CCDC7: variants seen among roughly 807,000 people sequenced by gnomAD.
The protein encoded by CCDC7 is coiled-coil domain containing 7.
In CCDC7, 183 loss-of-function variants were observed where a neutral mutation model predicts 196.9. The observed-to-expected ratio is 0.93, with a 90% CI of 0.82 to 1.05. The LOEUF is 1.05. CCDC7 is among the 50% of genes least tolerant of loss of function. The probability of loss-of-function intolerance (pLI) is 0.00; values close to 1 mark genes in which losing one functional copy is unlikely to be tolerated. For missense variants in CCDC7, 1,540 were observed against 1,482.2 expected, an observed-to-expected ratio of 1.04 and a Z score of -0.64; for synonymous variants, 525 against 484.6, an observed-to-expected ratio of 1.08 and a Z score of -1.10.
chr10:32,861,914 C>T (rs1276888365), intron 41 of CCDC7, among the ~76,000 whole-genome samples: 5 of 152,094 alleles, frequency 3.3e-5, no homozygotes. Context: ...AGTCAGGAAA[C>T]AACAGATGCT....
chr10:32,689,717 C>T (rs897940885), intron 23 of CCDC7, among the ~76,000 whole-genome samples: 1 of 151,260 alleles, frequency 6.6e-6, no homozygotes, highest in Non-Finnish European at 1.5e-5. Context: ...TTTATCGAAA[C>T]AGTTCCAGTA....
intron 28 of CCDC7, among the ~76,000 whole-genome samples, chr10:32,772,104 C>T (rs978433839): frequency 1.8e-4 from 27 of 152,170 alleles, no homozygotes; most frequent in African/African-American, 7.2e-5. Context: ...GGAACTGGGT[C>T]TGGTGGGTTT....
intron 28 of CCDC7, among the ~76,000 whole-genome samples, chr10:32,744,189 G>A (rs1208941845): frequency 6.6e-6 from 1 of 151,642 alleles, no homozygotes; most frequent in Non-Finnish European, 1.5e-5. Flanking sequence ...GGCTATATGG[G>A]TACTAAATCT....
intron 22 of CCDC7, among the ~76,000 whole-genome samples, chr10:32,687,663 G>A (rs1440261415): frequency 1.3e-5 from 2 of 152,166 alleles, no homozygotes; most frequent in East Asian, 3.9e-4. Context: ...TCTACACTAT[G>A]ACCTCTTTGA....
At chr10:32,681,591 A>T (rs748266139) in intron 21 of CCDC7, among the ~76,000 whole-genome samples, 4 of 152,154 alleles carry the variant, frequency 2.6e-5, no homozygotes, top group Non-Finnish European at 5.9e-5. Flanking sequence ...CCTGCAGTAC[A>T]CAAATCTTAC....
At chr10:32,447,203 A>G (rs993314138), upstream of CCDC7, among the ~76,000 whole-genome samples, 1 of 152,028 alleles carries the variant, frequency 6.6e-6, no homozygotes, top group Non-Finnish European at 1.5e-5. Flanking sequence ...TTCTACTGAA[A>G]TTGTTGCCGT....
chr10:32,780,306 G>C (rs2080840200), intron 29 of CCDC7, among the ~76,000 whole-genome samples: 2 of 152,062 alleles, frequency 1.3e-5, no homozygotes, highest in African/African-American at 4.8e-5. Context: ...AACCATATGA[G>C]GAAATAAAGA....
chr10:32,759,303 A>C (rs552449860), intron 28 of CCDC7, among the ~76,000 whole-genome samples: 6,465 of 152,240 alleles, frequency 0.042, 462 homozygotes, highest in African/African-American at 0.15. Context: ...CTAAGCCAAA[A>C]GAACAAAGCT....
At chr10:32,470,218 G>A (rs961209226) in intron 5 of CCDC7, among the ~76,000 whole-genome samples, 6 of 152,096 alleles carry the variant, frequency 3.9e-5, no homozygotes, top group African/African-American at 1.4e-4. Flanking sequence ...TCTTTGCGAA[G>A]TCCTTGACTT....
At chr10:32,830,389 A>G (rs578081352) in intron 32 of CCDC7, among the ~76,000 whole-genome samples, 1 of 149,696 alleles carries the variant, frequency 6.7e-6, no homozygotes, top group East Asian at 2.0e-4. Context: ...TGCAAAAAAG[A>G]AAAAAAAACA....
At chr10:32,836,584 G>A (rs2092620584) in intron 33 of CCDC7, among the ~76,000 whole-genome samples, 1 of 152,146 alleles carries the variant, frequency 6.6e-6, no homozygotes, top group Non-Finnish European at 1.5e-5. Flanking sequence ...TCTAACTGGT[G>A]TGAGATGGTA....
At chr10:32,554,099 G>A (rs975540452) in intron 13 of CCDC7, among the ~76,000 whole-genome samples, 1 of 152,138 alleles carries the variant, frequency 6.6e-6, no homozygotes, top group Non-Finnish European at 1.5e-5. Context: ...AGAGTTGTCC[G>A]GCCAAGTGGG....
rs569536464 is a variant in CCDC7, at chr10:32,641,742, T to G, written c.2014+6584T>G. Among the ~76,000 whole-genome samples, 3 of 152,336 alleles carry G rather than the reference T, an allele frequency of 2.0e-5. 1 individual carries two copies. The South Asian group carries it at 6.2e-4, about 32-fold the overall frequency. On this transcript the variant is annotated intron_variant, in intron 20 of 41. Transcript: ENST00000639629. ...GGAGTGGTGCTCTGATTTTTAGAGTTTCCAGTTTTTCTGTTCTGTTTTTTC... is the reference window on the plus strand; with the variant it reads ...GGAGTGGTGCTCTGATTTTTAGAGTGTCCAGTTTTTCTGTTCTGTTTTTTC...
intron 32 of CCDC7, among the ~76,000 whole-genome samples, chr10:32,826,077 G>A (rs935764274): frequency 2.0e-5 from 3 of 152,206 alleles, no homozygotes; most frequent in African/African-American, 7.2e-5. Context: ...TGAGGCAACA[G>A]TGATGGCCTT....
intron 30 of CCDC7, among the ~76,000 whole-genome samples, chr10:32,813,629 C>G (rs565020167): frequency 6.6e-6 from 1 of 152,180 alleles, no homozygotes; most frequent in African/African-American, 2.4e-5. Context: ...AAATGTTCCA[C>G]CTCACATAGT....
intron 20 of CCDC7, among the ~76,000 whole-genome samples, chr10:32,644,808 A>G (rs1413704674): frequency 1.3e-5 from 2 of 152,170 alleles, no homozygotes; most frequent in African/African-American, 2.4e-5. Context: ...AGGCCTCCCC[A>G]GTCACCTGGA....
intron 30 of CCDC7, among the ~76,000 whole-genome samples, chr10:32,809,140 G>A (rs1009596869): frequency 3.3e-5 from 5 of 152,106 alleles, no homozygotes; most frequent in Non-Finnish European, 1.5e-5. Flanking sequence ...TACATGAGAT[G>A]ACAGACACAT....
intron 11 of CCDC7, among the ~76,000 whole-genome samples, chr10:32,538,915 A>G (rs1273200490): frequency 2.6e-5 from 4 of 152,138 alleles, no homozygotes; most frequent in Admixed American, 1.3e-4. Flanking sequence ...TTTTGCATCT[A>G]TGTTCATCAA....
intron 20 of CCDC7, among the ~76,000 whole-genome samples, chr10:32,657,774 C>A (rs904373164): frequency 6.6e-6 from 1 of 152,182 alleles, no homozygotes; most frequent in African/African-American, 2.4e-5. Flanking sequence ...TGAATTTCTC[C>A]CCAGAAAATG....
Sources: gnomAD v4.1 joint callset for allele counts (sites outside exome capture counted in the v4.1 genomes callset) on GRCh38, gnomAD v4.1.1 for gene constraint, MANE v1.5 for transcripts, NCBI Gene and HGNC (gene_info 2026-07-23, HGNC 2026-07-21) for gene names.